Variants in CDH9 observed in about 807,000 individuals in gnomAD.
CDH9 encodes the protein cadherin 9.
A neutral mutation model predicts 70.9 loss-of-function variants in CDH9; 28 were observed. The observed-to-expected ratio is 0.40, with a 90% CI of 0.29 to 0.54. The LOEUF (loss-of-function observed/expected upper bound fraction) is 0.54. CDH9 is among the 20% of genes least tolerant of loss of function. The pLI, the probability that CDH9 is intolerant of heterozygous loss-of-function variation, is 0.59. For synonymous variants in CDH9, 409 were observed against 343.1 expected (o/e 1.19, Z -2.12); for missense variants, 874 against 984.4 (o/e 0.89, Z 1.50).
chr5:26,961,524 T>C (rs2112061098), intron 2 of CDH9, among the ~76,000 whole-genome samples: 1 of 152,270 alleles, frequency 6.6e-6, no homozygotes, highest in East Asian at 1.9e-4. Flanking sequence ...TCTTTCTATG[T>C]CTCATTGAAT....
intron 2 of CDH9, among the ~76,000 whole-genome samples, chr5:26,958,992 G>A (rs890608965): frequency 5.3e-5 from 8 of 152,014 alleles, no homozygotes; most frequent in Middle Eastern, 3.4e-3. Flanking sequence ...AACAACAAAA[G>A]ACAATATAGG....
At chr5:26,947,792 A>T (rs1165544198) in intron 2 of CDH9, among the ~76,000 whole-genome samples, 1 of 152,100 alleles carries the variant, frequency 6.6e-6, no homozygotes, top group Non-Finnish European at 1.5e-5. Flanking sequence ...CCAAAAGCTG[A>T]AGGTAGAGTC....
intron 2 of CDH9, among the ~76,000 whole-genome samples, chr5:26,948,344 A>C (rs1741788627): frequency 6.6e-6 from 1 of 152,182 alleles, no homozygotes; most frequent in Non-Finnish European, 1.5e-5. Flanking sequence ...GAGAGATGAA[A>C]CATTTTTCTA....
At chr5:27,012,819 T>C (rs1742981963) in intron 1 of CDH9, among the ~76,000 whole-genome samples, 1 of 152,034 alleles carries the variant, frequency 6.6e-6, no homozygotes, top group Non-Finnish European at 1.5e-5. Flanking sequence ...CAAGGAATAT[T>C]TCCTTAATAT....
At chr5:26,923,827 A>G (rs1032580659) in intron 2 of CDH9, among the ~76,000 whole-genome samples, 37 of 152,102 alleles carry the variant, frequency 2.4e-4, no homozygotes, top group African/African-American at 8.9e-4. Flanking sequence ...GGGTCAATGA[A>G]TAAATTAAGA....
rs200036473 is a variant in CDH9, at chr5:26,935,758, CT to C, written c.229-19835del. ...ATCCAGCAATCCCACTACTGGGTAT[CT>C]AACCAATGAAAAAGAAGTCATTATA... On this transcript the variant is annotated intron_variant, in intron 2 of 11. Coordinates refer to ENST00000231021, the MANE Select transcript of CDH9 (RefSeq NM_016279.4). 9.4e-3 allele frequency among the ~76,000 whole-genome samples: 1,431 copies of C among 152,226 alleles called. 20 individuals are homozygous for C. Among genetic ancestry groups the C allele is most frequent in the African/African-American group, 0.033 (1,379 of 41,536 alleles).
intron 1 of CDH9, among the ~76,000 whole-genome samples, chr5:27,020,099 C>T (rs932029113): frequency 6.6e-6 from 1 of 151,552 alleles, no homozygotes; most frequent in Admixed American, 6.6e-5. Context: ...CTTGTGATGG[C>T]ATTAATATTT....
Position 26,902,712 on chromosome 5 carries a change from A to C in CDH9, c.1017T>G (p.Asn339Lys). The change falls in exon 7 of 12, where the codon AAT (asparagine) becomes AAG (lysine). Residue 339 changes from asparagine (N) to lysine (K), a missense_variant. By Grantham distance (94) the Asn-to-Lys change is moderately conservative. Transcript: ENST00000231021. ...ITVKQNLDFE[N>K]QMLYTLRVDA... ...CCACTCTTAAAGTATAGAGCATTTG[A>C]TTTTCAAAATCTAAATTCTGGAGTT... 1 of 1,556,194 alleles carries C rather than the reference A, an allele frequency of 6.4e-7. No homozygotes were observed. The highest frequency in any genetic ancestry group is 8.9e-7 in the Non-Finnish European group (1 of 1,129,624).
chr5:26,901,799 C>A (rs1168372076), intron 7 of CDH9, among the ~76,000 whole-genome samples: 2 of 151,572 alleles, frequency 1.3e-5, no homozygotes, highest in Non-Finnish European at 3.0e-5. Context: ...ATATTTAAAA[C>A]CTTTAAAATG....
intron 1 of CDH9, among the ~76,000 whole-genome samples, chr5:27,021,456 A>G (rs1458090569): frequency 1.3e-5 from 2 of 151,732 alleles, no homozygotes; most frequent in African/African-American, 2.4e-5. Context: ...TAAAGGAGAA[A>G]AATCATATAA....
intron 2 of CDH9, among the ~76,000 whole-genome samples, chr5:26,920,293 G>A (rs1343655385): frequency 6.6e-6 from 1 of 151,726 alleles, no homozygotes; most frequent in Non-Finnish European, 1.5e-5. Flanking sequence ...GAGGAAAGGG[G>A]AGGGAAGACT....
chr5:27,004,042 G>A (rs1742816273), intron 1 of CDH9, among the ~76,000 whole-genome samples: 1 of 148,138 alleles, frequency 6.8e-6, no homozygotes, highest in East Asian at 2.0e-4. Flanking sequence ...AATAAAGCAA[G>A]TTGAGTGGAG....
chr5:26,920,449 T>C (rs1203877755), intron 2 of CDH9, among the ~76,000 whole-genome samples: 1 of 152,002 alleles, frequency 6.6e-6, no homozygotes, highest in African/African-American at 2.4e-5. Flanking sequence ...CTCACTGCCC[T>C]GAAAGGAAGA....
intron 1 of CDH9, among the ~76,000 whole-genome samples, chr5:27,034,923 C>T (rs1469555174): frequency 6.6e-6 from 1 of 151,410 alleles, no homozygotes; most frequent in Non-Finnish European, 1.5e-5. Context: ...GATAATGGTG[C>T]TTCCAGGCAG....
chr5:26,994,972 T>A (rs959113804), intron 1 of CDH9, among the ~76,000 whole-genome samples: 1 of 152,138 alleles, frequency 6.6e-6, no homozygotes, highest in Non-Finnish European at 1.5e-5. Flanking sequence ...TTTTGAAAAA[T>A]AGCTTACCCC....
At chr5:26,885,307 A>G (rs1740544771) in intron 11 of CDH9, among the ~76,000 whole-genome samples, 1 of 152,314 alleles carries the variant, frequency 6.6e-6, no homozygotes, top group African/African-American at 2.4e-5. Context: ...GATGAAATCA[A>G]TGAAATCAAA....
chr5:26,944,135 G>C (rs2112038859), intron 2 of CDH9, among the ~76,000 whole-genome samples: 1 of 151,390 alleles, frequency 6.6e-6, no homozygotes, highest in South Asian at 2.1e-4. Context: ...TCATGTTTTT[G>C]GATTTGATTT....
intron 2 of CDH9, among the ~76,000 whole-genome samples, chr5:26,927,784 T>C (rs773070824): frequency 6.6e-6 from 1 of 152,004 alleles, no homozygotes; most frequent in Non-Finnish European, 1.5e-5. Context: ...TAAACTTATA[T>C]CTAATAAAGC....
At position 26,885,736 on chromosome 5, in the gene CDH9, C is replaced by A. The variant is rs763497540; in HGVS notation, c.1760G>T (p.Arg587Leu). 6.2e-7 allele frequency: 1 copy of A among 1,613,676 alleles called. No homozygotes were observed. The highest frequency in any genetic ancestry group is 8.5e-7 in the Non-Finnish European group (1 of 1,179,854). ...TCCTTGATTATCGCAGGCACACACA[C>A]GGATAGTGAGTGTACCAGTGCTGCT... is the stretch of plus-strand genomic sequence containing the variant. ...IQSSTGTLTI[R>L]VCACDNQGNM... The change falls in exon 11 of 12, where the codon CGT becomes CTT. Residue 587 changes from arginine to leucine, a missense_variant. Arg to Leu is a moderately radical substitution (Grantham distance 102). Coordinates refer to ENST00000231021, the MANE Select transcript of CDH9 (RefSeq NM_016279.4).
Sources: allele counts gnomAD v4.1 joint callset (sites outside exome capture counted in the v4.1 genomes callset), GRCh38; gene constraint gnomAD v4.1.1; transcripts MANE v1.5; gene names NCBI Gene and HGNC (gene_info 2026-07-23, HGNC 2026-07-21).